TSPOAP1: variants seen among roughly 807,000 people sequenced by gnomAD.
TSPOAP1 encodes the protein TSPO associated protein 1.
TSPOAP1 carries 87 observed loss-of-function variants against 197.0 expected under a neutral mutation model. The observed-to-expected ratio is 0.44, with a 90% CI of 0.37 to 0.53. The LOEUF (loss-of-function observed/expected upper bound fraction) is 0.53, where lower values mean the gene tolerates loss of function less well. Ranked by LOEUF, TSPOAP1 falls within the 20% of genes least tolerant of loss-of-function variation. TSPOAP1 has a pLI of 0.00. For synonymous variants in TSPOAP1, 913 were observed against 998.9 expected, an observed-to-expected ratio of 0.91 and a Z score of 1.62; for missense variants, 2,174 against 2,411.3, an observed-to-expected ratio of 0.90 and a Z score of 2.06.
At position 58,308,540 on chromosome 17, in the gene TSPOAP1, C is replaced by G; in HGVS notation, c.4731+1G>C. The G allele has an allele frequency of 6.6e-7, 1 of 1,524,140 alleles. No homozygotes were observed. The allele number at this position is 1,524,140 out of a possible 1,614,324, so 94.4% of individuals were successfully genotyped here. On this transcript the variant is annotated splice_donor_variant, in intron 22 of 31. Transcript: ENST00000343736. LOFTEE classifies it high-confidence loss of function. The stretch of plus-strand genomic sequence containing the variant: ...GCCCAGGGCGGGGAGTGAGCACGGA[C>G]CCGGGAGAGTGGCTCCTTGGCTCTG...
rs1970721326 is a variant in TSPOAP1 at position 58,301,466 on chromosome 17, T to G, written c.*1014A>C. The G allele has an allele frequency of 6.6e-6, 1 of 152,602 alleles. No homozygotes were observed. Among genetic ancestry groups the G allele is most frequent in the Non-Finnish European group, 1.5e-5 (1 of 68,040 alleles). 9.5% of individuals were successfully genotyped at this position (152,602 alleles called of 1,614,324 possible). On this transcript the variant is annotated 3_prime_UTR_variant, in exon 32 of 32. Transcript: ENST00000343736. ...CAGGGAATGTATGAAAATAGCTGCA[T>G]AAATCTGTCCTTTTCTCCAGCCCCT...
chr17:58,313,648 T>G (rs553445327), intron 16 of TSPOAP1, among the ~76,000 whole-genome samples: 58 of 150,570 alleles, frequency 3.9e-4, no homozygotes, highest in African/African-American at 1.4e-3. Flanking sequence ...GGGTTTTACC[T>G]GGGCCTGAGG....
rs368949719 is a variant in TSPOAP1, at chr17:58,312,265, G to T, written c.2556C>A (p.Ala852=). 1 of 1,612,588 alleles carries T rather than the reference G, an allele frequency of 6.2e-7. No homozygotes were observed. Among genetic ancestry groups the T allele is most frequent in the African/African-American group, 1.3e-5 (1 of 75,042 alleles). The change falls in exon 17 of 32, where the codon GCC becomes GCA. Residue 852 remains alanine, a synonymous_variant. Coordinates refer to ENST00000343736, the MANE Select transcript of TSPOAP1 (RefSeq NM_004758.4). ...KAVLENLDLW[A]GPLHISVQAL... Reference sequence around the variant, plus strand: ...CCTGGACAGAAATGTGAAGGGGCCCGGCCCACAGGTCCAGGTTCTCCAGCA... The same window carrying T: ...CCTGGACAGAAATGTGAAGGGGCCCTGCCCACAGGTCCAGGTTCTCCAGCA...
At position 58,311,948 on chromosome 17, in the gene TSPOAP1, C is replaced by T; in HGVS notation, c.2873G>A (p.Gly958Asp). 6.3e-7 allele frequency: 1 copy of T among 1,595,304 alleles called. No homozygotes were observed. Among genetic ancestry groups the T allele is most frequent in the Non-Finnish European group, 8.5e-7 (1 of 1,170,054 alleles). The part of the protein sequence containing the change: ...QLPPQGPWEP[G>D]WERLEQRAAT... ...AGCCCGCTGCTCCAGCCTCTCCCAG[C>T]CTGGTTCCCAGGGCCCTTGGGGTGG... Residue 958 changes from glycine to aspartate, a missense_variant, in exon 17 of 32, where the codon GGC (glycine) becomes GAC (aspartate). Physicochemically the swap from Gly to Asp is moderately conservative, Grantham distance 94. Around this residue, in one of 5 missense-constraint regions of TSPOAP1, gnomAD observed 1,933 missense variants for 2,139.0 expected, o/e 0.90. Transcript: ENST00000343736.
At position 58,322,151 on chromosome 17, in the gene TSPOAP1, G is replaced by T. The variant is rs887416101; in HGVS notation, c.1422+157C>A. 16 of 667,808 alleles carry T rather than the reference G, an allele frequency of 2.4e-5. No individual in the cohort carries two copies. The highest frequency in any genetic ancestry group is 3.8e-5 in the Non-Finnish European group (15 of 391,526). 41.4% of individuals were successfully genotyped at this position (667,808 alleles called of 1,614,324 possible). ...AGTGTCTGAAATCAGCTCACTCCTG[G>T]ATGCTAATTTGCTGACTGCTCAGGG... is the stretch of plus-strand genomic sequence containing the variant. On this transcript the variant is annotated intron_variant, in intron 10 of 31. Transcript: ENST00000343736. This position sits in a 1 kb window ranked among gnomAD's most constrained non-coding sequence, Gnocchi z 5.0.
At chr17:58,310,267 G>T in intron 20 of TSPOAP1, 109 bp from the exon 21 acceptor site, 1 of 1,259,536 alleles carries the variant, frequency 7.9e-7, no homozygotes. Flanking sequence ...GGCAGAGGGA[G>T]AAAGAGCCAT....
At position 58,312,621 on chromosome 17, in the gene TSPOAP1, A is replaced by C; in HGVS notation, c.2200T>G (p.Leu734Val). The C allele has an allele frequency of 1.2e-6, 2 of 1,613,842 alleles. No individual in the cohort carries two copies. The highest frequency in any genetic ancestry group is 1.7e-6 in the Non-Finnish European group (2 of 1,179,972). ...AGTTCAGGGCCTGAGCTGTGGGACA[A>C]ATCGGCCAGCTCTGGAGGGAGGGAG... ...LTSLPPELADLSHSSGPELSF... is the reference protein window; with the variant it reads ...LTSLPPELADVSHSSGPELSF... Residue 734 changes from leucine to valine, a missense_variant, in exon 17 of 32, where the codon TTG becomes GTG. Leu to Val is a conservative substitution (Grantham distance 32). Transcript: ENST00000343736.
At position 58,316,628 on chromosome 17, in the gene TSPOAP1, T is replaced by C; in HGVS notation, c.1873-88A>G. On this transcript the variant is annotated intron_variant, in intron 14 of 31. Transcript: ENST00000343736. ...GGTTTCCAGGCTGAGCCAGAGGACC[T>C]ATTGCTTTAAGGAGGGAAAATGAGC... 4 of 1,057,422 alleles carry C rather than the reference T, an allele frequency of 3.8e-6. 1 individual carries two copies. The African/African-American group carries it at 4.8e-5, about 13-fold the overall frequency. 65.5% of individuals were successfully genotyped at this position (1,057,422 alleles called of 1,614,324 possible). A position where few individuals can be genotyped will look rare whatever the true frequency, so the allele number is the denominator to read the frequency against.
In TSPOAP1 at chr17:58,320,565, TG is replaced by T; in HGVS notation, c.1438del (p.Gln480ArgfsTer152). 6.8e-7 allele frequency: 1 copy of T among 1,469,518 alleles called. No homozygotes were observed. Among genetic ancestry groups the T allele is most frequent in the South Asian group, 1.5e-5 (1 of 67,938 alleles). 91.0% of individuals were successfully genotyped at this position (1,469,518 alleles called of 1,614,324 possible). A position where few individuals can be genotyped will look rare whatever the true frequency, so the allele number is the denominator to read the frequency against. On this transcript the variant is annotated frameshift_variant, in exon 11 of 32. Transcript: ENST00000343736. LOFTEE classifies it high-confidence loss of function. ...CTGCACGGCTCCTTCATGTTCCCTC[TG>T]GGCTTCAGCCTGGGCCTACAGGTGG... is the stretch of plus-strand genomic sequence containing the variant. ...RRLQQAQAEA[Q>X]REHEGAVQLL... is the part of the protein sequence containing the mutation.
At position 58,326,219 on chromosome 17, in the gene TSPOAP1, C is replaced by G; in HGVS notation, c.570+74G>C. On this transcript the variant is annotated intron_variant, in intron 3 of 31. Coordinates refer to ENST00000343736, the MANE Select transcript of TSPOAP1 (RefSeq NM_004758.4). This position sits in a 1 kb window ranked among gnomAD's most constrained non-coding sequence, Gnocchi z 4.7. The stretch of plus-strand genomic sequence containing the variant: ...GAGACCGTGACTCCCAAGCTTCAGA[C>G]AGCCCTCAGGCCCAGCCCTGGCTCC... 6.3e-7 allele frequency: 1 copy of G among 1,583,248 alleles called. No homozygotes were observed.
chr17:58,325,814 G>A (rs1036515968), intron 3 of TSPOAP1, 101 bp from the exon 4 acceptor site: 2 of 1,330,116 alleles, frequency 1.5e-6, no homozygotes, highest in East Asian at 2.4e-5. Context: ...AAAACCTAGG[G>A]GGGTAGCCAC....
intron 22 of TSPOAP1, among the ~76,000 whole-genome samples, chr17:58,308,306 C>T (rs1970971495): frequency 6.6e-6 from 1 of 152,248 alleles, no homozygotes; most frequent in Non-Finnish European, 1.5e-5. Context: ...CGACCCTGCC[C>T]ACAGGCCGCA....
rs1356182531 is a variant in TSPOAP1 at position 58,305,458 on chromosome 17, C to T, written c.5362G>A (p.Ala1788Thr). 1 of 1,613,934 alleles carries T rather than the reference C, an allele frequency of 6.2e-7. No homozygotes were observed. Residue 1788 changes from alanine to threonine, a missense_variant and splice_region_variant, in exon 29 of 32, where the codon GCA (alanine) becomes ACA (threonine). This residue lies in a region of TSPOAP1 where 161 missense variants were observed against 159.1 expected (regional missense o/e 1.01). Transcript: ENST00000343736. Reference sequence around the variant, plus strand: ...TCCCCTGCCCGGAAGGGCAGCTCTGCCTGTGGAAAACAAGAGGAGGGCATC... The same window carrying T: ...TCCCCTGCCCGGAAGGGCAGCTCTGTCTGTGGAAAACAAGAGGAGGGCATC... Reference protein sequence around the residue: ...QESSPNMDVEAELPFRAGDVI... With the variant: ...QESSPNMDVETELPFRAGDVI...
rs1233444619 is a variant in TSPOAP1, at chr17:58,309,312, G to A, written c.3960C>T (p.Pro1320=). 4 of 1,613,558 alleles carry A rather than the reference G, an allele frequency of 2.5e-6. No individual in the cohort carries two copies. The African/African-American group carries it at 4.0e-5, about 16-fold the overall frequency. ...EEILEQILEL[P]LQQFCSKKLF... is the part of the protein sequence containing the mutation. ...GCTTCTTGCTACAGAACTGCTGGAGGGGCAGCTCCAGGATCTGCTCCAAGA... is the reference window on the plus strand; with the variant it reads ...GCTTCTTGCTACAGAACTGCTGGAGAGGCAGCTCCAGGATCTGCTCCAAGA... Residue 1320 remains proline, a synonymous_variant, in exon 22 of 32, where the codon CCC becomes CCT. Transcript: ENST00000343736. This position sits in a 1 kb window ranked among gnomAD's most constrained non-coding sequence, Gnocchi z 5.0.
intron 14 of TSPOAP1, among the ~76,000 whole-genome samples, chr17:58,317,689 G>A (rs77171735): frequency 1.3e-5 from 2 of 152,112 alleles, no homozygotes; most frequent in African/African-American, 4.8e-5. Flanking sequence ...ATGAGTTGAC[G>A]ACCAGAGCTA....
intron 27 of TSPOAP1, 39 bp downstream of exon 27, chr17:58,305,794 T>A (rs910952213): frequency 2.5e-6 from 4 of 1,610,554 alleles, no homozygotes; most frequent in Non-Finnish European, 3.4e-6. Flanking sequence ...CCACCCTATC[T>A]CCTTCCCCAG....
At position 58,309,509 on chromosome 17, in the gene TSPOAP1, C is replaced by T. The variant is rs1023231915; in HGVS notation, c.3892-129G>A. 91 of 1,287,102 alleles carry T rather than the reference C, an allele frequency of 7.1e-5. 1 individual carries two copies. The South Asian group carries it at 1.3e-3, about 18-fold the overall frequency. 79.7% of individuals were successfully genotyped at this position (1,287,102 alleles called of 1,614,324 possible). On this transcript the variant is annotated intron_variant, in intron 21 of 31. Transcript: ENST00000343736. This position sits in a 1 kb window ranked among gnomAD's most constrained non-coding sequence, Gnocchi z 5.0. The stretch of plus-strand genomic sequence containing the variant: ...TACGGACAACCCCACAGCCCTCCCA[C>T]GGCTTCCTCCGAGAGGAGAGAACCA...
At position 58,309,030 on chromosome 17, in the gene TSPOAP1, C is replaced by T. The variant is rs749953377; in HGVS notation, c.4242G>A (p.Lys1414=). Residue 1414 remains lysine, a synonymous_variant, in exon 22 of 32, where the codon AAG becomes AAA. Transcript: ENST00000343736. This position sits in a 1 kb window ranked among gnomAD's most constrained non-coding sequence, Gnocchi z 5.0. ...CTGGAGGCCGCCTGCGGCTTGGGGGCTTCTCAGGGGAGCCCCCTCCTCTCC... is the reference window on the plus strand; with the variant it reads ...CTGGAGGCCGCCTGCGGCTTGGGGGTTTCTCAGGGGAGCCCCCTCCTCTCC... ...SRRRGGGSPE[K]PPSRRRPPDP... is the part of the protein sequence containing the mutation. 3 of 1,594,200 alleles carry T rather than the reference C, an allele frequency of 1.9e-6. No individual in the cohort carries two copies. The highest frequency in any genetic ancestry group is 4.5e-5 in the East Asian group (2 of 44,826).
chr17:58,305,274 C>A (rs764971219), intron 29 of TSPOAP1, 103 bp from the exon 30 acceptor site: 8 of 1,496,628 alleles, frequency 5.3e-6, no homozygotes, highest in Non-Finnish European at 6.5e-6. Flanking sequence ...AACCACTGTC[C>A]AGGGAGGTGA....
Sources: allele counts gnomAD v4.1 joint callset (sites outside exome capture counted in the v4.1 genomes callset), GRCh38; gene constraint gnomAD v4.1.1; regional missense constraint gnomAD v4.1.1; non-coding constraint Gnocchi (gnomAD v3.1); transcripts MANE v1.5; gene names NCBI Gene and HGNC (gene_info 2026-07-23, HGNC 2026-07-21).